Variants in BTBD7 observed in about 807,000 individuals in gnomAD.
BTBD7 encodes BTB domain containing 7.
BTBD7 carries 38 observed loss-of-function variants against 99.9 expected under a neutral mutation model. The observed-to-expected ratio is 0.38, with a 90% CI of 0.29 to 0.50. The LOEUF (loss-of-function observed/expected upper bound fraction) is 0.50, where lower values mean the gene tolerates loss of function less well. BTBD7 is among the 20% of genes least tolerant of loss of function. The pLI is 0.93. For synonymous variants in BTBD7, 520 were observed against 511.4 expected (o/e 1.02, Z -0.23); for missense variants, 1,170 against 1,394.6 (o/e 0.84, Z 2.57).
chr14:93,275,269 T>A lies in BTBD7; in HGVS notation c.1163-11276A>T, dbSNP rs142545197. ...GACAGACTGGACAATCCTAATCACT[T>A]CAGTTTGCTCTTTGTATCCCTATTC... is the stretch of plus-strand genomic sequence containing the variant. On this transcript the variant is annotated intron_variant, in intron 3 of 10. Coordinates refer to ENST00000334746, the MANE Select transcript of BTBD7 (RefSeq NM_001002860.4). 5.8e-3 allele frequency among the ~76,000 whole-genome samples: 885 copies of A among 152,332 alleles called. 12 individuals are homozygous for A. Among genetic ancestry groups the A allele is most frequent in the Middle Eastern group, 0.051 (15 of 292 alleles).
intron 3 of BTBD7, among the ~76,000 whole-genome samples, chr14:93,284,541 G>A (rs1211295447): frequency 1.3e-5 from 2 of 151,394 alleles, no homozygotes; most frequent in African/African-American, 4.9e-5. Flanking sequence ...AGTATACTAA[G>A]AATAAAGCAG....
At chr14:93,270,785 A>G (rs2052593386) in intron 3 of BTBD7, among the ~76,000 whole-genome samples, 2 of 152,166 alleles carry the variant, frequency 1.3e-5, no homozygotes, top group African/African-American at 4.8e-5. Context: ...AAAAGGCACC[A>G]ATACATTCCG....
chr14:93,271,389 A>G (rs1183434099), intron 3 of BTBD7, among the ~76,000 whole-genome samples: 2 of 152,242 alleles, frequency 1.3e-5, no homozygotes, highest in South Asian at 2.1e-4. Flanking sequence ...GGCAAGGGGG[A>G]AAGGAAAAAG....
At chr14:93,245,593 G>A (rs2052294625) in intron 10 of BTBD7, among the ~76,000 whole-genome samples, 1 of 152,114 alleles carries the variant, frequency 6.6e-6, no homozygotes, top group Non-Finnish European at 1.5e-5. Context: ...ATAAAGATAA[G>A]AAGATACTCA....
intron 1 of BTBD7, among the ~76,000 whole-genome samples, chr14:93,331,574 G>A (rs1161606431): frequency 2.0e-5 from 3 of 152,192 alleles, no homozygotes; most frequent in Non-Finnish European, 2.9e-5. Context: ...GATGCTATTA[G>A]GGACAAAAGA....
chr14:93,332,821 C>G lies in BTBD7; in HGVS notation c.-108G>C, dbSNP rs1404877353. The stretch of plus-strand genomic sequence containing the variant: ...TCAGAGACACCAAGGGACACTCACC[C>G]CGGAGGCTCCTCCCGCCGCTGCTGC... On this transcript the variant is annotated splice_region_variant and 5_prime_UTR_variant, in exon 1 of 11. Transcript: ENST00000334746. The G allele has an allele frequency of 6.8e-7, 1 of 1,477,694 alleles. No individual in the cohort carries two copies. 91.5% of individuals were successfully genotyped at this position (1,477,694 alleles called of 1,614,324 possible). A position where few individuals can be genotyped will look rare whatever the true frequency, so the allele number is the denominator to read the frequency against.
intron 5 of BTBD7, among the ~76,000 whole-genome samples, chr14:93,260,481 C>T (rs986308751): frequency 6.6e-6 from 1 of 152,132 alleles, no homozygotes; most frequent in Admixed American, 6.5e-5. Flanking sequence ...ATGATGCTTC[C>T]TTCTCTTCTG....
At chr14:93,261,089 C>T (rs117813300) in intron 5 of BTBD7, among the ~76,000 whole-genome samples, 6,530 of 152,090 alleles carry the variant, frequency 0.043, 249 homozygotes, top group Admixed American at 0.12. Context: ...CGGGATTCTG[C>T]CATGTTGGCC....
At chr14:93,261,890 T>C (rs2052493029) in intron 4 of BTBD7, among the ~76,000 whole-genome samples, 1 of 152,220 alleles carries the variant, frequency 6.6e-6, no homozygotes, top group Admixed American at 6.5e-5. Context: ...AACCTCAATC[T>C]TGGCTCCAAC....
chr14:93,276,084 C>T (rs1385098930), intron 3 of BTBD7, among the ~76,000 whole-genome samples: 2 of 152,118 alleles, frequency 1.3e-5, no homozygotes, highest in East Asian at 3.9e-4. Context: ...GGCATGGTGG[C>T]ATATGCCTGT....
rs202045410 is a variant in BTBD7, at chr14:93,252,310, T to TA, written c.1753-659dup. On this transcript the variant is annotated intron_variant, in intron 7 of 10. Transcript: ENST00000334746. ...GGATGACAAGAGTGAAACTCCGTCT[T>TA]AAAAAAAAAAAAAAGATTGATAATC... Among the ~76,000 whole-genome samples the TA allele has an allele frequency of 9.2e-4, 126 of 136,988 alleles. 1 individual carries two copies. In the Middle Eastern group the frequency reaches 0.021, roughly 23 times the overall value. 89.9% of individuals were successfully genotyped at this position (136,988 alleles called of 152,430 possible).
At chr14:93,317,197 G>T (rs1391789083) in intron 1 of BTBD7, among the ~76,000 whole-genome samples, 1 of 152,018 alleles carries the variant, frequency 6.6e-6, no homozygotes, top group African/African-American at 2.4e-5. Flanking sequence ...TAGAGATGGG[G>T]CTTCACTATG....
intron 1 of BTBD7, among the ~76,000 whole-genome samples, chr14:93,313,988 T>C (rs1355620440): frequency 1.3e-5 from 2 of 152,088 alleles, no homozygotes; most frequent in African/African-American, 4.8e-5. Flanking sequence ...TCAAGTGACC[T>C]TCCTGCCTCA....
chr14:93,300,779 TA>T lies in BTBD7; in HGVS notation c.-106-4623del, dbSNP rs1323896719. ...GTGTGTGTGTGTGTGTGTGTATATA[TA>T]TATATATTTTTTTTTTGTAGAGATA... On this transcript the variant is annotated intron_variant, in intron 1 of 10. Coordinates refer to ENST00000334746, the MANE Select transcript of BTBD7 (RefSeq NM_001002860.4). 4.8e-3 allele frequency among the ~76,000 whole-genome samples: 501 copies of T among 104,634 alleles called. 33 individuals are homozygous for T. The highest frequency in any genetic ancestry group is 9.3e-3 in the South Asian group (27 of 2,918). The allele number at this position is 104,634 out of a possible 152,430, so 68.6% of individuals were successfully genotyped here.
In BTBD7 at chr14:93,253,685, G is replaced by A. The variant is rs368923940; in HGVS notation, c.1714C>T (p.Arg572Cys). 45 of 1,612,374 alleles carry A rather than the reference G, an allele frequency of 2.8e-5. No individual in the cohort carries two copies. Among genetic ancestry groups the A allele is most frequent in the Admixed American group, 5.0e-5 (3 of 59,970 alleles). The change falls in exon 7 of 11, where the codon CGT (arginine) becomes TGT (cysteine). Residue 572 changes from arginine (R) to cysteine (C), a missense_variant. Physicochemically the swap from Arg to Cys is radical, Grantham distance 180. Transcript: ENST00000334746. ...ACATAGGGAGAGAAGAGTCGAGGAC[G>A]AACATAGATGCCAGCATTTTTTTGC... The part of the protein sequence containing the change: ...LRQKNAGIYV[R>C]PRLFSPYVEE...
rs1306763607 is a variant in BTBD7, at chr14:93,239,532, T to C, written c.*2741A>G. On this transcript the variant is annotated 3_prime_UTR_variant, in exon 11 of 11. Coordinates refer to ENST00000334746, the MANE Select transcript of BTBD7 (RefSeq NM_001002860.4). ...CATTAAAAAAGATTTAATAGATGGGTTCAAAAGCCAGAGGCATGTAGCTCT... is the reference window on the plus strand; with the variant it reads ...CATTAAAAAAGATTTAATAGATGGGCTCAAAAGCCAGAGGCATGTAGCTCT... The C allele has an allele frequency of 6.6e-6, 1 of 151,876 alleles. No homozygotes were observed. Among genetic ancestry groups the C allele is most frequent in the Non-Finnish European group, 1.5e-5 (1 of 67,946 alleles). The allele number at this position is 151,876 out of a possible 1,614,324, so 9.4% of individuals were successfully genotyped here. A position where few individuals can be genotyped will look rare whatever the true frequency, so the allele number is the denominator to read the frequency against.
chr14:93,277,735 G>A (rs1008183172), intron 3 of BTBD7, among the ~76,000 whole-genome samples: 41 of 152,172 alleles, frequency 2.7e-4, no homozygotes, highest in Non-Finnish European at 1.2e-4. Context: ...CCTGATAAGC[G>A]TACGCACTGT....
At chr14:93,271,459 G>C (rs561551158) in intron 3 of BTBD7, among the ~76,000 whole-genome samples, 1 of 152,298 alleles carries the variant, frequency 6.6e-6, no homozygotes, top group East Asian at 1.9e-4. Context: ...TTAGAGGAGG[G>C]CCGGCCTTAG....
At chr14:93,314,041 C>T (rs8023045) in intron 1 of BTBD7, among the ~76,000 whole-genome samples, 16,959 of 152,102 alleles carry the variant, frequency 0.11, 1,144 homozygotes, top group African/African-American at 0.18. Flanking sequence ...GCCACCTCAC[C>T]TGGCTGAAAC....
Sources: gnomAD v4.1 joint callset for allele counts (sites outside exome capture counted in the v4.1 genomes callset) on GRCh38, gnomAD v4.1.1 for gene constraint, MANE v1.5 for transcripts, NCBI Gene and HGNC (gene_info 2026-07-23, HGNC 2026-07-21) for gene names.